The following GALNT13 variants were observed in gnomAD, a reference collection of about 807,000 sequenced individuals.
GALNT13 encodes the protein UDP-GalNAc:polypeptide N-acetylgalactosaminyltransferase 13.
Under a neutral mutation model 64.2 loss-of-function variants are expected in GALNT13, and 28 were observed. The ratio of observed to expected loss-of-function variants is 0.44; its 90% CI spans 0.32 to 0.60. The LOEUF (loss-of-function observed/expected upper bound fraction) is 0.60, where lower values mean the gene tolerates loss of function less well. Among genes scored for constraint, GALNT13 ranks in the 20% least tolerant of loss-of-function variants. The pLI is 0.05. For synonymous variants in GALNT13, 214 were observed against 224.6 expected (o/e 0.95, Z 0.42); for missense variants, 577 against 669.8 (o/e 0.86, Z 1.53).
At chr2:153,550,314 A>G in the GALNT13 span, among the ~76,000 whole-genome samples, 22 of 151,302 alleles carry the variant, frequency 1.5e-4, no homozygotes, top group East Asian at 4.1e-3. Context: ...GGCTCACTGC[A>G]ACCTCTGCCT....
the GALNT13 span, among the ~76,000 whole-genome samples, chr2:153,620,385 A>G: frequency 6.6e-6 from 1 of 151,966 alleles, no homozygotes; most frequent in African/African-American, 2.4e-5. Context: ...CGGCCTCCCA[A>G]AGTGCTGGGA....
At chr2:153,630,156 C>G in the GALNT13 span, among the ~76,000 whole-genome samples, 1 of 151,290 alleles carries the variant, frequency 6.6e-6, no homozygotes, top group Non-Finnish European at 1.5e-5. Context: ...GGGTATATAC[C>G]CAAAGGATTA....
the GALNT13 span, among the ~76,000 whole-genome samples, chr2:153,082,614 TATATAC>T: frequency 2.0e-3 from 64 of 31,282 alleles, no homozygotes; most frequent in Admixed American, 3.8e-3. Context: ...TATATATATA[TATATAC>T]ACACACACAC....
At chr2:154,220,957 A>C (rs1320420797) in intron 4 of GALNT13, among the ~76,000 whole-genome samples, 2 of 152,086 alleles carry the variant, frequency 1.3e-5, no homozygotes, top group Non-Finnish European at 2.9e-5. Context: ...TTTTATAGAC[A>C]GACCAAATTA....
At chr2:153,148,951 T>A in the GALNT13 span, among the ~76,000 whole-genome samples, 1 of 151,830 alleles carries the variant, frequency 6.6e-6, no homozygotes, top group Non-Finnish European at 1.5e-5. Flanking sequence ...ATGATGTTTG[T>A]GTTTGAAGAA....
chr2:154,274,694 T>C (rs1232535889), intron 8 of GALNT13, among the ~76,000 whole-genome samples: 1 of 152,120 alleles, frequency 6.6e-6, no homozygotes, highest in Admixed American at 6.6e-5. Flanking sequence ...TCTTTCTTTA[T>C]AAATTACCCA....
chr2:154,025,130 C>G (rs948577811), intron 3 of GALNT13, among the ~76,000 whole-genome samples: 1 of 152,146 alleles, frequency 6.6e-6, no homozygotes. Context: ...AGTTAGGCTA[C>G]TCGGGGGTCA....
chr2:153,578,043 G>GT, the GALNT13 span, among the ~76,000 whole-genome samples: 2 of 151,900 alleles, frequency 1.3e-5, no homozygotes, highest in Admixed American at 6.6e-5. Flanking sequence ...TTTTCTAAGT[G>GT]TTTATGTGTC....
the GALNT13 span, among the ~76,000 whole-genome samples, chr2:153,698,390 A>T: frequency 6.6e-6 from 1 of 152,166 alleles, no homozygotes; most frequent in African/African-American, 2.4e-5. Context: ...AAATAAATGG[A>T]TGGGGAGGAA....
At chr2:153,776,548 G>A in the GALNT13 span, among the ~76,000 whole-genome samples, 4 of 152,156 alleles carry the variant, frequency 2.6e-5, no homozygotes, top group Admixed American at 2.0e-4. Flanking sequence ...TTCCAACAAA[G>A]CATTAACATC....
intron 3 of GALNT13, among the ~76,000 whole-genome samples, chr2:153,954,224 C>A (rs1692408052): frequency 6.6e-6 from 1 of 152,138 alleles, no homozygotes; most frequent in African/African-American, 2.4e-5. Context: ...ATGGCTTCAT[C>A]TTTTGCAAGA....
At chr2:153,775,459 C>T in the GALNT13 span, among the ~76,000 whole-genome samples, 3 of 152,082 alleles carry the variant, frequency 2.0e-5, no homozygotes, top group South Asian at 4.1e-4. Flanking sequence ...ATTCTACTTA[C>T]TTTTCAGATT....
the GALNT13 span, among the ~76,000 whole-genome samples, chr2:153,273,750 A>G: frequency 6.6e-6 from 1 of 152,304 alleles, no homozygotes; most frequent in South Asian, 2.1e-4. Context: ...TGAATTTTTC[A>G]TTTAGTTGTC....
intron 3 of GALNT13, among the ~76,000 whole-genome samples, chr2:154,042,598 A>C (rs1440563311): frequency 1.0e-5 from 1 of 98,740 alleles, no homozygotes; most frequent in Non-Finnish European, 2.8e-5. Context: ...TTATTTGTTC[A>C]TTATTTTTCT....
At chr2:153,106,567 G>A in the GALNT13 span, among the ~76,000 whole-genome samples, 44 of 152,236 alleles carry the variant, frequency 2.9e-4, no homozygotes, top group African/African-American at 9.1e-4. Context: ...GACTGTGAAA[G>A]AAATCCAAGA....
At chr2:154,046,069 A>G (rs1053582333) in intron 3 of GALNT13, among the ~76,000 whole-genome samples, 4 of 151,944 alleles carry the variant, frequency 2.6e-5, no homozygotes, top group African/African-American at 9.7e-5. Flanking sequence ...GTGTTTTGGG[A>G]GGATGAGGCA....
rs372990123 is a variant in GALNT13 at position 154,284,520 on chromosome 2, T to TACACACACACACACAC, written c.976-16873_976-16858dup. On this transcript the variant is annotated intron_variant, in intron 8 of 12. Transcript: ENST00000392825. ...ATATATGTATCTGTATACATATAGCTACACACACACACACACACACACACA... is the reference window on the plus strand; with the variant it reads ...ATATATGTATCTGTATACATATAGCTACACACACACACACACACACACACACACACACACACACACA... Among the ~76,000 whole-genome samples the TACACACACACACACAC allele has an allele frequency of 8.4e-3, 1,226 of 145,834 alleles. 11 individuals carry two copies. The highest frequency in any genetic ancestry group is 0.011 in the Non-Finnish European group (733 of 66,120).
intron 3 of GALNT13, among the ~76,000 whole-genome samples, chr2:153,975,985 G>A (rs907529529): frequency 1.3e-5 from 2 of 151,914 alleles, no homozygotes; most frequent in African/African-American, 4.8e-5. Context: ...AAAGCTGGGG[G>A]AAAAAGAAAA....
chr2:153,249,508 C>G, the GALNT13 span, among the ~76,000 whole-genome samples: 2 of 152,102 alleles, frequency 1.3e-5, no homozygotes, highest in African/African-American at 4.8e-5. Flanking sequence ...ACTTTCTTCA[C>G]AGAATTAGAA....
Sources: gnomAD v4.1 joint callset for allele counts (sites outside exome capture counted in the v4.1 genomes callset) on GRCh38, gnomAD v4.1.1 for gene constraint, MANE v1.5 for transcripts, NCBI Gene and HGNC (gene_info 2026-07-23, HGNC 2026-07-21) for gene names.